Variants in AGBL4 observed in about 807,000 individuals in gnomAD.
AGBL4 encodes the protein AGBL carboxypeptidase 4.
AGBL4 carries 58 observed loss-of-function variants against 66.4 expected under a neutral mutation model. The observed-to-expected ratio is 0.87, with a 90% CI of 0.71 to 1.09. AGBL4 has a LOEUF of 1.09. Among genes scored for constraint, AGBL4 ranks in the 50% least tolerant of loss-of-function variants. The probability of loss-of-function intolerance (pLI) is 0.00; values close to 1 mark genes in which losing one functional copy is unlikely to be tolerated. For missense variants in AGBL4, 579 were observed against 631.0 expected (o/e 0.92, Z 0.88); for synonymous variants, 234 against 222.9 (o/e 1.05, Z -0.44).
chr1:48,927,512 A>G lies in AGBL4; in HGVS notation c.595-60282T>C, dbSNP rs548868255. Among the ~76,000 whole-genome samples the G allele has an allele frequency of 1.7e-3, 263 of 152,262 alleles. 1 individual carries two copies. The highest frequency in any genetic ancestry group is 5.9e-3 in the African/African-American group (247 of 41,550). On this transcript the variant is annotated intron_variant, in intron 5 of 13. Coordinates refer to ENST00000371839, the MANE Select transcript of AGBL4 (RefSeq NM_032785.4). The stretch of plus-strand genomic sequence containing the variant: ...TTGGGTGGGGATACAGCTAAACCAT[A>G]TTTCACCTAGAAACAGGTTTTCCCT...
chr1:49,727,993 T>C (rs994645209), intron 2 of AGBL4, among the ~76,000 whole-genome samples: 2 of 152,152 alleles, frequency 1.3e-5, no homozygotes, highest in Non-Finnish European at 2.9e-5. Context: ...GGGTTTTGCA[T>C]AGCCACTCAA....
intron 5 of AGBL4, among the ~76,000 whole-genome samples, chr1:48,939,304 G>T (rs1655746404): frequency 1.3e-5 from 2 of 152,170 alleles, no homozygotes; most frequent in Non-Finnish European, 2.9e-5. Context: ...GTGTAGACAG[G>T]TCTGTCCCTT....
At chr1:48,982,561 A>G (rs1267508636) in intron 5 of AGBL4, among the ~76,000 whole-genome samples, 1 of 152,078 alleles carries the variant, frequency 6.6e-6, no homozygotes, top group African/African-American at 2.4e-5. Flanking sequence ...ATAGTATTCC[A>G]TGGTGTATAT....
At chr1:49,916,766 C>A (rs905656634) in intron 1 of AGBL4, among the ~76,000 whole-genome samples, 1 of 152,116 alleles carries the variant, frequency 6.6e-6, no homozygotes, top group Non-Finnish European at 1.5e-5. Context: ...AAGAGCAACT[C>A]CAGGACACAT....
At chr1:49,512,039 G>T (rs1649315249) in intron 3 of AGBL4, among the ~76,000 whole-genome samples, 1 of 151,982 alleles carries the variant, frequency 6.6e-6, no homozygotes, top group Non-Finnish European at 1.5e-5. Flanking sequence ...TTTGCAGGGT[G>T]CTATGTACAT....
rs991661131 is a variant in AGBL4 at position 49,537,860 on chromosome 1, G to A, written c.282+159453C>T. ...GAGAATGGTGTGAACCCAGGAGGTGGAGCTTGTAGTGAGCCAAGAAAGCGC... is the reference window on the plus strand; with the variant it reads ...GAGAATGGTGTGAACCCAGGAGGTGAAGCTTGTAGTGAGCCAAGAAAGCGC... On this transcript the variant is annotated intron_variant, in intron 3 of 13. Coordinates refer to ENST00000371839, the MANE Select transcript of AGBL4 (RefSeq NM_032785.4). 3.9e-5 allele frequency among the ~76,000 whole-genome samples: 6 copies of A among 151,960 alleles called. No homozygotes were observed. The South Asian group carries it at 1.2e-3, about 32-fold the overall frequency.
intron 6 of AGBL4, among the ~76,000 whole-genome samples, chr1:48,793,739 T>C (rs1167818421): frequency 6.6e-6 from 1 of 152,158 alleles, no homozygotes; most frequent in African/African-American, 2.4e-5. Context: ...AAGGGGTATC[T>C]GAATTAAATA....
At chr1:49,797,325 C>A (rs1185383327) in intron 2 of AGBL4, among the ~76,000 whole-genome samples, 2 of 152,076 alleles carry the variant, frequency 1.3e-5, no homozygotes, top group African/African-American at 4.8e-5. Context: ...AGTTTCTGAA[C>A]CTCAAAATAT....
At chr1:49,029,011 C>A (rs1205534141) in intron 5 of AGBL4, among the ~76,000 whole-genome samples, 1 of 152,088 alleles carries the variant, frequency 6.6e-6, no homozygotes, top group African/African-American at 2.4e-5. Flanking sequence ...CAATCCAACA[C>A]CCTTTCATGA....
chr1:49,578,231 A>C (rs909413567), intron 3 of AGBL4, among the ~76,000 whole-genome samples: 1 of 152,122 alleles, frequency 6.6e-6, no homozygotes, highest in Non-Finnish European at 1.5e-5. Context: ...TCAGTCTACT[A>C]CTCCACAATG....
chr1:49,261,717 G>A (rs1226880128), intron 3 of AGBL4, among the ~76,000 whole-genome samples: 3 of 149,820 alleles, frequency 2.0e-5, no homozygotes, highest in Non-Finnish European at 4.5e-5. Context: ...TCAATATCGT[G>A]AAAATGGCCA....
Position 49,973,673 on chromosome 1 carries a change from T to C in AGBL4, c.34+50090A>G, listed in dbSNP as rs1397630970. ...TAATTATATGGTATATGAATGATAT[T>C]GTATATTATATAGAAATGATATTGT... On this transcript the variant is annotated intron_variant, in intron 1 of 13. Coordinates refer to ENST00000371839, the MANE Select transcript of AGBL4 (RefSeq NM_032785.4). 2.7e-5 allele frequency among the ~76,000 whole-genome samples: 4 copies of C among 148,464 alleles called. No individual in the cohort carries two copies. In the Admixed American group the frequency reaches 2.7e-4, roughly 10 times the overall value.
chr1:49,454,281 C>A (rs1646342680), intron 3 of AGBL4, among the ~76,000 whole-genome samples: 1 of 151,708 alleles, frequency 6.6e-6, no homozygotes, highest in Non-Finnish European at 1.5e-5. Context: ...TGCACAGATA[C>A]TATTTATGGT....
intron 3 of AGBL4, among the ~76,000 whole-genome samples, chr1:49,689,508 T>C (rs1220959108): frequency 3.3e-5 from 5 of 152,208 alleles, no homozygotes; most frequent in African/African-American, 1.2e-4. Flanking sequence ...AGTAATGTGA[T>C]TCCTCCAGTT....
intron 3 of AGBL4, among the ~76,000 whole-genome samples, chr1:49,531,580 G>T (rs1651145257): frequency 6.6e-6 from 1 of 151,964 alleles, no homozygotes; most frequent in African/African-American, 2.4e-5. Context: ...TTTAGTAATA[G>T]GTATTGTTCT....
At chr1:49,169,989 G>C (rs1336130223) in intron 4 of AGBL4, among the ~76,000 whole-genome samples, 1 of 152,000 alleles carries the variant, frequency 6.6e-6, no homozygotes, top group Non-Finnish European at 1.5e-5. Flanking sequence ...GAAGGGGGAA[G>C]AGCAGGAGGG....
At chr1:49,405,653 G>C (rs1645180500) in intron 3 of AGBL4, among the ~76,000 whole-genome samples, 3 of 152,092 alleles carry the variant, frequency 2.0e-5, no homozygotes, top group Admixed American at 1.3e-4. Flanking sequence ...CTTTGATGAG[G>C]TGTACCTTAG....
At chr1:48,960,432 T>C (rs1415051247) in intron 5 of AGBL4, among the ~76,000 whole-genome samples, 2 of 152,078 alleles carry the variant, frequency 1.3e-5, no homozygotes, top group Non-Finnish European at 2.9e-5. Flanking sequence ...GAGGTCTAAA[T>C]AGAGACAATA....
intron 1 of AGBL4, among the ~76,000 whole-genome samples, chr1:49,946,828 AAG>A (rs1403540033): frequency 6.6e-6 from 1 of 152,000 alleles, no homozygotes; most frequent in African/African-American, 2.4e-5. Context: ...CCAAGAAAAC[AAG>A]AGAGAAGATC....
Sources: gnomAD v4.1 joint callset for allele counts (sites outside exome capture counted in the v4.1 genomes callset) on GRCh38, gnomAD v4.1.1 for gene constraint, MANE v1.5 for transcripts, NCBI Gene and HGNC (gene_info 2026-07-23, HGNC 2026-07-21) for gene names.